NT5M: variants seen among roughly 807,000 people sequenced by gnomAD.
NT5M encodes 5'(3')-deoxyribonucleotidase, mitochondrial.
NT5M carries 22 observed loss-of-function variants against 22.2 expected under a neutral mutation model. That is an observed-to-expected ratio of 0.99 (90% CI 0.71 to 1.41). NT5M has a LOEUF of 1.41. Ranked by LOEUF, NT5M falls within the 40% of genes most tolerant of loss-of-function variation. The probability of loss-of-function intolerance (pLI) is 0.00; values close to 1 mark genes in which losing one functional copy is unlikely to be tolerated. For synonymous variants in NT5M, 167 were observed against 133.0 expected (o/e 1.26, Z -1.76); for missense variants, 322 against 314.8 (o/e 1.02, Z -0.17).
Position 17,346,790 on chromosome 17 carries a change from C to G in NT5M, c.545-15C>G. The G allele has an allele frequency of 1.9e-6, 3 of 1,605,964 alleles. No individual in the cohort carries two copies. The highest frequency in any genetic ancestry group is 2.5e-6 in the Non-Finnish European group (3 of 1,179,896). ...GTCTCCACTGCTGAGCTGAATGCCG[C>G]TTTCCCACCCACAGGGGCCGAGCCA... On this transcript the variant is annotated splice_polypyrimidine_tract_variant and intron_variant, in intron 4 of 4. Coordinates refer to ENST00000389022, the MANE Select transcript of NT5M (RefSeq NM_020201.4).
At chr17:17,340,434 T>G (rs2049613319) in intron 3 of NT5M, among the ~76,000 whole-genome samples, 1 of 152,166 alleles carries the variant, frequency 6.6e-6, no homozygotes, top group Non-Finnish European at 1.5e-5. Flanking sequence ...AACTTTTTGT[T>G]TCTTTTCACA....
intron 2 of NT5M, among the ~76,000 whole-genome samples, chr17:17,321,895 TG>T (rs2049159236): frequency 6.6e-6 from 1 of 151,732 alleles, no homozygotes; most frequent in Non-Finnish European, 1.5e-5. Context: ...TGAAGCGTCG[TG>T]GGTGGTGGCC....
At chr17:17,338,680 T>G (rs1350032576) in intron 3 of NT5M, among the ~76,000 whole-genome samples, 1 of 63,216 alleles carries the variant, frequency 1.6e-5, no homozygotes, top group Admixed American at 1.3e-4. Context: ...GTTAAGGGTT[T>G]TTTTTTTTTT....
chr17:17,312,199 A>G (rs1196765270), intron 2 of NT5M, among the ~76,000 whole-genome samples: 1 of 152,248 alleles, frequency 6.6e-6, no homozygotes, highest in Non-Finnish European at 1.5e-5. Context: ...TTTAATAGGC[A>G]TATCGCAAGA....
chr17:17,342,859 T>G (rs939565322), intron 3 of NT5M, among the ~76,000 whole-genome samples: 2 of 152,222 alleles, frequency 1.3e-5, no homozygotes, highest in Non-Finnish European at 2.9e-5. Flanking sequence ...TCCTGCTATG[T>G]GCACTCCATG....
At chr17:17,315,684 G>T (rs939707579) in intron 2 of NT5M, among the ~76,000 whole-genome samples, 21 of 151,956 alleles carry the variant, frequency 1.4e-4, no homozygotes, top group African/African-American at 4.1e-4. Flanking sequence ...AAGCATGTTG[G>T]GGGTGGCAGG....
intron 3 of NT5M, among the ~76,000 whole-genome samples, chr17:17,342,565 G>A (rs2049667180): frequency 6.6e-6 from 1 of 152,130 alleles, no homozygotes; most frequent in African/African-American, 2.4e-5. Flanking sequence ...AACAAAACCT[G>A]ACCCTTCTCT....
intron 4 of NT5M, 53 bp from the exon 5 acceptor site, chr17:17,346,752 G>A (rs1028983498): frequency 2.0e-5 from 32 of 1,599,886 alleles, no homozygotes; most frequent in Admixed American, 3.3e-5. Context: ...CACCCTAGGC[G>A]GCTGCGCTCC....
intron 1 of NT5M, among the ~76,000 whole-genome samples, chr17:17,305,130 C>CG (rs2048767887): frequency 6.6e-6 from 1 of 151,996 alleles, no homozygotes. Context: ...TATATCCGCC[C>CG]GGGAGTGTAT....
intron 2 of NT5M, among the ~76,000 whole-genome samples, chr17:17,316,587 G>A (rs2049032479): frequency 6.6e-6 from 1 of 151,656 alleles, no homozygotes; most frequent in South Asian, 2.1e-4. Context: ...TGTTGGCCAG[G>A]CTGGTCTGGA....
At chr17:17,336,000 C>CTTTTTTT in intron 3 of NT5M, among the ~76,000 whole-genome samples, 1 of 98,920 alleles carries the variant, frequency 1.0e-5, no homozygotes, top group Non-Finnish European at 2.0e-5. Context: ...CTTATTCATT[C>CTTTTTTT]TTTTTTTTTT....
At position 17,344,942 on chromosome 17, in the gene NT5M, G is replaced by A. The variant is rs779027713; in HGVS notation, c.544+34G>A. The A allele has an allele frequency of 3.7e-6, 6 of 1,613,418 alleles. No homozygotes were observed. The Admixed American group carries it at 8.3e-5, about 22-fold the overall frequency. On this transcript the variant is annotated intron_variant, in intron 4 of 4. Coordinates refer to ENST00000389022, the MANE Select transcript of NT5M (RefSeq NM_020201.4). ...CCTGCGACAGGTGAGGAGCACGTGGGGAGGGCCCCAGCCTTGGCCCCCTTC... is the reference window on the plus strand; with the variant it reads ...CCTGCGACAGGTGAGGAGCACGTGGAGAGGGCCCCAGCCTTGGCCCCCTTC...
chr17:17,309,866 CCAGGCTG>C (rs1294643349), intron 2 of NT5M, among the ~76,000 whole-genome samples: 1 of 150,852 alleles, frequency 6.6e-6, no homozygotes, highest in Non-Finnish European at 1.5e-5. Context: ...ACTCTTTTGC[CCAGGCTG>C]GAGTGCAGTG....
Position 17,346,997 on chromosome 17 carries a change from C to G in NT5M, c.*50C>G. 1 of 1,594,750 alleles carries G rather than the reference C, an allele frequency of 6.3e-7. No homozygotes were observed. ...TGTGGGGCTCTGACCTCAGGGCTCC[C>G]AGCTCGGGGCCTGTGGGGCCAGTAT... On this transcript the variant is annotated 3_prime_UTR_variant, in exon 5 of 5. Transcript: ENST00000389022.
chr17:17,331,733 A>T (rs2049390385), intron 3 of NT5M, among the ~76,000 whole-genome samples: 1 of 151,432 alleles, frequency 6.6e-6, no homozygotes, highest in Admixed American at 6.6e-5. Context: ...TCCTAGATCA[A>T]GCCATTCATT....
intron 3 of NT5M, among the ~76,000 whole-genome samples, chr17:17,330,591 G>T (rs1851391444): frequency 6.6e-6 from 1 of 151,950 alleles, no homozygotes; most frequent in Non-Finnish European, 1.5e-5. Flanking sequence ...GGCCAGGCTG[G>T]TCTCGAACTC....
At chr17:17,307,489 TAGCAC>T in intron 2 of NT5M, among the ~76,000 whole-genome samples, 1 of 143,230 alleles carries the variant, frequency 7.0e-6, no homozygotes, top group Non-Finnish European at 1.5e-5. Context: ...CCTGTAATCC[TAGCAC>T]TTTGGGAGGC....
At chr17:17,342,553 AAAAC>A (rs1218565366) in intron 3 of NT5M, among the ~76,000 whole-genome samples, 6 of 152,220 alleles carry the variant, frequency 3.9e-5, no homozygotes, top group Non-Finnish European at 8.8e-5. Flanking sequence ...GGAAATTAAA[AAAAC>A]AAAACCTGAC....
At chr17:17,309,678 T>G (rs1021792366) in intron 2 of NT5M, among the ~76,000 whole-genome samples, 5 of 25,544 alleles carry the variant, frequency 2.0e-4, no homozygotes, top group South Asian at 1.1e-3. Context: ...CAAGCATCTT[T>G]TTTTTTTTTT....
Sources: gnomAD v4.1 joint callset for allele counts (sites outside exome capture counted in the v4.1 genomes callset) on GRCh38, gnomAD v4.1.1 for gene constraint, MANE v1.5 for transcripts, NCBI Gene and HGNC (gene_info 2026-07-23, HGNC 2026-07-21) for gene names.